RPS6KC1: variants seen among roughly 807,000 people sequenced by gnomAD.
The protein encoded by RPS6KC1 is ribosomal protein S6 kinase C1, also known as inactive ribosomal protein S6 kinase delta-1.
RPS6KC1 carries 54 observed loss-of-function variants against 103.8 expected under a neutral mutation model. The observed-to-expected ratio is 0.52, with a 90% confidence interval of 0.42 to 0.65. RPS6KC1 has a LOEUF of 0.65. Among genes scored for constraint, RPS6KC1 ranks in the 30% least tolerant of loss-of-function variants. The pLI is 0.00. For synonymous variants in RPS6KC1, 439 were observed against 438.7 expected (o/e 1.00, Z -0.01); for missense variants, 1,151 against 1,253.8 (o/e 0.92, Z 1.24).
the RPS6KC1 span, among the ~76,000 whole-genome samples, chr1:213,319,702 GTGGAACTA>G: frequency 0.037 from 5,658 of 152,248 alleles, 135 homozygotes; most frequent in Middle Eastern, 0.065. Flanking sequence ...TGCTTGTCGG[GTGGAACTA>G]TGGAACTTTG....
At chr1:213,752,213 T>A in the RPS6KC1 span, among the ~76,000 whole-genome samples, 1 of 152,162 alleles carries the variant, frequency 6.6e-6, no homozygotes, top group Admixed American at 6.5e-5. Flanking sequence ...TCTTCAGATC[T>A]CTAAACTACA....
At chr1:213,823,845 A>T in the RPS6KC1 span, among the ~76,000 whole-genome samples, 4 of 152,256 alleles carry the variant, frequency 2.6e-5, no homozygotes, top group Admixed American at 2.6e-4. Flanking sequence ...CTTTTTACAT[A>T]TATTATCTCA....
the RPS6KC1 span, among the ~76,000 whole-genome samples, chr1:213,726,543 C>G: frequency 0.01 from 1,553 of 152,276 alleles, 22 homozygotes; most frequent in African/African-American, 0.035. Context: ...CAATCTATGT[C>G]TCACCTGTGG....
chr1:213,627,206 G>C, the RPS6KC1 span, among the ~76,000 whole-genome samples: 3 of 152,118 alleles, frequency 2.0e-5, no homozygotes, highest in Non-Finnish European at 2.9e-5. Context: ...TGGGAGTTCA[G>C]TCATGATTTC....
intron 7 of RPS6KC1, among the ~76,000 whole-genome samples, chr1:213,174,277 C>T (rs2091696559): frequency 6.6e-6 from 1 of 152,174 alleles, no homozygotes. Flanking sequence ...CTTTATTCAT[C>T]TGTAAAATGG....
intron 6 of RPS6KC1, among the ~76,000 whole-genome samples, chr1:213,145,148 A>C (rs2087591539): frequency 1.3e-5 from 2 of 152,156 alleles, no homozygotes; most frequent in African/African-American, 4.8e-5. Context: ...ACCAGACAAT[A>C]TATTTAACAA....
chr1:213,550,376 C>G, the RPS6KC1 span, among the ~76,000 whole-genome samples: 1 of 152,132 alleles, frequency 6.6e-6, no homozygotes, highest in Non-Finnish European at 1.5e-5. Context: ...AGGGAGTAGT[C>G]CATTCACTTT....
chr1:213,343,386 T>G, the RPS6KC1 span, among the ~76,000 whole-genome samples: 10,030 of 83,464 alleles, frequency 0.12, 940 homozygotes, highest in Middle Eastern at 0.16. Flanking sequence ...TTTTCAGTGT[T>G]GTGTGTATAT....
chr1:213,120,355 C>T (rs2084240345), intron 5 of RPS6KC1, among the ~76,000 whole-genome samples: 1 of 152,132 alleles, frequency 6.6e-6, no homozygotes, highest in Admixed American at 6.6e-5. Context: ...TTGATAAATA[C>T]AGATAGATCA....
chr1:213,214,285 C>A (rs1398828908), intron 8 of RPS6KC1, among the ~76,000 whole-genome samples: 1 of 152,246 alleles, frequency 6.6e-6, no homozygotes, highest in African/African-American at 2.4e-5. Flanking sequence ...ATTGCTAGCA[C>A]AGCAGTCTGA....
the RPS6KC1 span, among the ~76,000 whole-genome samples, chr1:213,579,165 A>G: frequency 9.5e-4 from 144 of 152,200 alleles, no homozygotes; most frequent in African/African-American, 3.3e-3. Context: ...GCTGCCATGT[A>G]AGCTGTGCTT....
chr1:213,243,510 T>G (rs1199223160), intron 12 of RPS6KC1, among the ~76,000 whole-genome samples: 1 of 152,228 alleles, frequency 6.6e-6, no homozygotes, highest in East Asian at 1.9e-4. Context: ...CAGTTTTATC[T>G]TGCCTTTACT....
chr1:213,608,236 C>T, the RPS6KC1 span, among the ~76,000 whole-genome samples: 1 of 152,100 alleles, frequency 6.6e-6, no homozygotes. Context: ...GTGACGGTGC[C>T]CCGGGGTTCC....
the RPS6KC1 span, among the ~76,000 whole-genome samples, chr1:213,826,812 A>G: frequency 6.6e-6 from 1 of 152,224 alleles, no homozygotes; most frequent in Admixed American, 6.5e-5. Context: ...TAATAAGGAA[A>G]CAAAGGCATA....
At chr1:213,546,706 A>C in the RPS6KC1 span, among the ~76,000 whole-genome samples, 1 of 152,224 alleles carries the variant, frequency 6.6e-6, no homozygotes, top group East Asian at 1.9e-4. Flanking sequence ...TTAGACTTAC[A>C]GAACTATTGA....
intron 14 of RPS6KC1, among the ~76,000 whole-genome samples, chr1:213,264,557 A>G (rs1416125185): frequency 6.6e-6 from 1 of 152,180 alleles, no homozygotes; most frequent in Non-Finnish European, 1.5e-5. Flanking sequence ...GTTAGGTTGT[A>G]AAGGAATCTA....
At chr1:213,412,671 G>A in the RPS6KC1 span, among the ~76,000 whole-genome samples, 2 of 152,314 alleles carry the variant, frequency 1.3e-5, no homozygotes, top group Admixed American at 1.3e-4. Context: ...GCATCCAGTG[G>A]AGTCTGTGCA....
chr1:213,559,424 A>G, the RPS6KC1 span, among the ~76,000 whole-genome samples: 3 of 152,370 alleles, frequency 2.0e-5, no homozygotes, highest in Non-Finnish European at 4.4e-5. Context: ...TGCGAGGGCC[A>G]CAGCATTTAA....
intron 6 of RPS6KC1, 30 bp from the exon 7 acceptor site, chr1:213,167,828 T>C (rs764590329): frequency 1.4e-6 from 2 of 1,479,446 alleles, no homozygotes; most frequent in Non-Finnish European, 9.3e-7. Context: ...GGAAAATTTA[T>C]TTTTTACATG....
Sources: gnomAD v4.1 joint callset for allele counts (sites outside exome capture counted in the v4.1 genomes callset) on GRCh38, gnomAD v4.1.1 for gene constraint, MANE v1.5 for transcripts, NCBI Gene and HGNC (gene_info 2026-07-23, HGNC 2026-07-21) for gene names.